Variants in LRP1B observed in about 807,000 individuals in gnomAD.
The protein encoded by LRP1B is low-density lipoprotein receptor-related protein 1B.
Under a neutral mutation model 556.6 loss-of-function variants are expected in LRP1B, and 217 were observed. The observed-to-expected ratio is 0.39, with a 90% confidence interval of 0.35 to 0.44. The LOEUF is 0.44. Among genes scored for constraint, LRP1B ranks in the 20% least tolerant of loss-of-function variants. LRP1B has a pLI of 1.00. For synonymous variants in LRP1B, 2,047 were observed against 1,865.8 expected (o/e 1.10, Z -2.50); for missense variants, 5,053 against 5,620.8 (o/e 0.90, Z 3.23).
Position 140,599,715 on chromosome 2 carries a change from C to T in LRP1B, c.6990-880G>A, listed in dbSNP as rs117748131. Among the ~76,000 whole-genome samples the T allele has an allele frequency of 6.1e-3, 921 of 152,102 alleles. 9 individuals carry two copies. The highest frequency in any genetic ancestry group is 0.021 in the African/African-American group (862 of 41,518). ...AAGTATTAAACTCACAATTTATTTA[C>T]AATATTTTCCTAGATTGTAGGCTTT... On this transcript the variant is annotated intron_variant, in intron 42 of 90. Transcript: ENST00000389484.
intron 1 of LRP1B, among the ~76,000 whole-genome samples, chr2:142,044,050 CAT>C (rs1299580611): frequency 7.3e-5 from 11 of 151,620 alleles, no homozygotes; most frequent in Admixed American, 2.0e-4. Context: ...TCTTCAATAA[CAT>C]ATTTTATTTA....
At chr2:141,218,377 G>A (rs1299002677) in intron 6 of LRP1B, among the ~76,000 whole-genome samples, 1 of 152,124 alleles carries the variant, frequency 6.6e-6, no homozygotes, top group Non-Finnish European at 1.5e-5. Context: ...AAGACATAGA[G>A]TCAACCTAGG....
At chr2:140,829,608 C>A (rs1356624711) in intron 31 of LRP1B, among the ~76,000 whole-genome samples, 1 of 151,898 alleles carries the variant, frequency 6.6e-6, no homozygotes, top group Non-Finnish European at 1.5e-5. Context: ...ACATAACATA[C>A]CAAAACTATG....
chr2:140,316,118 T>C (rs758710502), intron 82 of LRP1B, among the ~76,000 whole-genome samples: 1 of 152,168 alleles, frequency 6.6e-6, no homozygotes, highest in Non-Finnish European at 1.5e-5. Flanking sequence ...GCTGTGCATA[T>C]TGGCATGGCC....
intron 1 of LRP1B, among the ~76,000 whole-genome samples, chr2:141,877,944 TTTAAC>T (rs1698823577): frequency 6.6e-6 from 1 of 151,954 alleles, no homozygotes; most frequent in South Asian, 2.1e-4. Flanking sequence ...TAGAGACACT[TTTAAC>T]TAAGAAAAAA....
chr2:141,810,709 A>G (rs986925448), intron 1 of LRP1B, among the ~76,000 whole-genome samples: 4 of 152,154 alleles, frequency 2.6e-5, no homozygotes, highest in African/African-American at 9.7e-5. Flanking sequence ...ATATTCCAGC[A>G]AGTTAGTTTT....
chr2:142,089,483 T>G (rs1049208981), intron 1 of LRP1B, among the ~76,000 whole-genome samples: 1 of 152,230 alleles, frequency 6.6e-6, no homozygotes, highest in Middle Eastern at 3.2e-3. Context: ...AAAATTAGCA[T>G]GTGGGAATAA....
At chr2:141,959,989 C>G (rs1373256326) in intron 1 of LRP1B, among the ~76,000 whole-genome samples, 2 of 151,774 alleles carry the variant, frequency 1.3e-5, no homozygotes, top group Non-Finnish European at 2.9e-5. Context: ...GAACTTTTCC[C>G]AAGAAAGTTG....
chr2:140,326,831 G>A (rs1680512084), intron 79 of LRP1B, among the ~76,000 whole-genome samples: 1 of 151,994 alleles, frequency 6.6e-6, no homozygotes, highest in South Asian at 2.1e-4. Context: ...GAATGATAAT[G>A]GACTGAAATA....
chr2:141,244,643 T>G (rs148276078), intron 5 of LRP1B, among the ~76,000 whole-genome samples: 43 of 152,138 alleles, frequency 2.8e-4, no homozygotes, highest in Non-Finnish European at 5.6e-4. Context: ...TGGAATTACA[T>G]ATAACTGAAG....
intron 83 of LRP1B, among the ~76,000 whole-genome samples, chr2:140,299,477 CA>C: frequency 6.6e-6 from 1 of 152,106 alleles, no homozygotes; most frequent in Middle Eastern, 3.4e-3. Flanking sequence ...GCCTGAGAAA[CA>C]AGGTAAATTT....
intron 11 of LRP1B, among the ~76,000 whole-genome samples, chr2:141,047,076 T>C (rs1317142296): frequency 6.6e-6 from 1 of 151,226 alleles, no homozygotes; most frequent in Non-Finnish European, 1.5e-5. Flanking sequence ...ATAATAATAA[T>C]AATAATAATA....
At chr2:141,968,164 G>A (rs965112067) in intron 1 of LRP1B, among the ~76,000 whole-genome samples, 2 of 151,724 alleles carry the variant, frequency 1.3e-5, no homozygotes, top group African/African-American at 2.4e-5. Flanking sequence ...CTTTATTCCA[G>A]TAACATATTA....
At chr2:140,777,880 A>C (rs1689553148) in intron 32 of LRP1B, among the ~76,000 whole-genome samples, 1 of 151,662 alleles carries the variant, frequency 6.6e-6, no homozygotes, top group African/African-American at 2.4e-5. Flanking sequence ...TCCATAATAT[A>C]GAGAAAAAAG....
At chr2:140,789,649 G>C (rs1447071728) in intron 32 of LRP1B, among the ~76,000 whole-genome samples, 1 of 6,682 alleles carries the variant, frequency 1.5e-4, no homozygotes, top group African/African-American at 4.0e-4. Flanking sequence ...TTTTTTTTTT[G>C]AGACGGAGTC....
At chr2:141,493,134 A>G (rs1344312331) in intron 2 of LRP1B, among the ~76,000 whole-genome samples, 1 of 152,134 alleles carries the variant, frequency 6.6e-6, no homozygotes, top group African/African-American at 2.4e-5. Context: ...GAGGAAATGG[A>G]AGATTGCAGA....
intron 88 of LRP1B, 111 bp downstream of exon 88, chr2:140,239,331 A>G: frequency 1.6e-6 from 1 of 606,462 alleles, no homozygotes; most frequent in South Asian, 2.5e-5. Context: ...ATTGTATTTT[A>G]CAGTTGGCAT....
intron 1 of LRP1B, among the ~76,000 whole-genome samples, chr2:141,933,626 C>A (rs1700560569): frequency 6.6e-6 from 1 of 152,118 alleles, no homozygotes; most frequent in Non-Finnish European, 1.5e-5. Flanking sequence ...TAATCACTAG[C>A]CTGCTCTGGC....
intron 43 of LRP1B, among the ~76,000 whole-genome samples, chr2:140,588,333 T>G (rs1356678115): frequency 1.4e-4 from 22 of 152,190 alleles, no homozygotes; most frequent in Admixed American, 1.4e-3. Context: ...TTTCTATGCT[T>G]CGCTTTACTG....
Sources: gnomAD v4.1 joint callset for allele counts (sites outside exome capture counted in the v4.1 genomes callset) on GRCh38, gnomAD v4.1.1 for gene constraint, MANE v1.5 for transcripts, NCBI Gene and HGNC (gene_info 2026-07-23, HGNC 2026-07-21) for gene names.